The following TAF4B variants were observed in gnomAD, a reference collection of about 807,000 sequenced individuals.
TAF4B encodes transcription initiation factor TFIID subunit 4B.
Under a neutral mutation model 86.4 loss-of-function variants are expected in TAF4B, and 38 were observed. The ratio of observed to expected loss-of-function variants is 0.44; its 90% CI spans 0.34 to 0.58. The LOEUF (loss-of-function observed/expected upper bound fraction) is 0.58, where lower values mean the gene tolerates loss of function less well. Ranked by LOEUF, TAF4B falls within the 20% of genes least tolerant of loss-of-function variation. The pLI is 0.02. For synonymous variants in TAF4B, 388 were observed against 391.2 expected, an observed-to-expected ratio of 0.99 and a Z score of 0.10; for missense variants, 988 against 1,027.6, an observed-to-expected ratio of 0.96 and a Z score of 0.53.
intron 9 of TAF4B, among the ~76,000 whole-genome samples, chr18:26,299,939 C>A (rs2056711003): frequency 6.6e-6 from 1 of 151,882 alleles, no homozygotes; most frequent in South Asian, 2.1e-4. Context: ...ATTTCTTTAT[C>A]CTTTTAATGT....
chr18:26,292,521 A>G (rs2056605780), intron 8 of TAF4B, 140 bp downstream of exon 8: 2 of 905,718 alleles, frequency 2.2e-6, no homozygotes, highest in African/African-American at 3.4e-5. Context: ...CAGAAAGATA[A>G]TCGTTAGATT....
intron 2 of TAF4B, among the ~76,000 whole-genome samples, chr18:26,266,373 A>C (rs1325994045): frequency 1.3e-5 from 2 of 152,052 alleles, no homozygotes; most frequent in African/African-American, 4.8e-5. Flanking sequence ...TGGCCTCCCA[A>C]AGTGCTGGGA....
rs750028177 is a variant in TAF4B, at chr18:26,357,783, T to C, written c.2410T>C (p.Ser804Pro). 6.2e-7 allele frequency: 1 copy of C among 1,606,434 alleles called. No homozygotes were observed. The highest frequency in any genetic ancestry group is 8.5e-7 in the Non-Finnish European group (1 of 1,174,856). The change falls in exon 14 of 15, where the codon TCT becomes CCT. Residue 804 changes from serine to proline, a missense_variant. Coordinates refer to ENST00000269142, the MANE Select transcript of TAF4B (RefSeq NM_005640.3). ...IGPRKKRPLE[S>P]GIEGLKDNLL... Reference sequence around the variant, plus strand: ...ACCAAGGAAGAAGAGACCACTAGAATCTGGAATTGAGGTATTGAAATAATA... The same window carrying C: ...ACCAAGGAAGAAGAGACCACTAGAACCTGGAATTGAGGTATTGAAATAATA...
At chr18:26,383,750 T>A (rs1029533291) in intron 14 of TAF4B, among the ~76,000 whole-genome samples, 9 of 152,158 alleles carry the variant, frequency 5.9e-5, no homozygotes, top group African/African-American at 2.2e-4. Context: ...CATAGACATT[T>A]AGGAGTGATG....
intron 13 of TAF4B, among the ~76,000 whole-genome samples, chr18:26,344,735 C>T (rs985980783): frequency 6.6e-6 from 1 of 152,192 alleles, no homozygotes; most frequent in Non-Finnish European, 1.5e-5. Context: ...ATGCCTGGTG[C>T]TTGTTTCTTC....
chr18:26,282,267 T>G (rs115096889), intron 6 of TAF4B, among the ~76,000 whole-genome samples: 176 of 152,354 alleles, frequency 1.2e-3, no homozygotes, highest in African/African-American at 4.2e-3. Flanking sequence ...AACATTTTAT[T>G]CATGAACATA....
At chr18:26,272,062 C>A (rs144485626) in intron 3 of TAF4B, among the ~76,000 whole-genome samples, 103 of 152,040 alleles carry the variant, frequency 6.8e-4, no homozygotes, top group South Asian at 4.8e-3. Context: ...TCTCGGGTCA[C>A]CACACAGGAA....
chr18:26,376,287 A>C (rs1157295797), intron 14 of TAF4B, among the ~76,000 whole-genome samples: 1 of 151,948 alleles, frequency 6.6e-6, no homozygotes, highest in Non-Finnish European at 1.5e-5. Context: ...ATATAGACAA[A>C]TTTGGGTAGT....
chr18:26,265,380 G>C, intron 2 of TAF4B, 65 bp downstream of exon 2: 1 of 1,477,694 alleles, frequency 6.8e-7, no homozygotes, highest in Non-Finnish European at 9.0e-7. Context: ...TATAAATGTT[G>C]TGTATATGTT....
rs560816573 is a variant in TAF4B, at chr18:26,229,293, G to C, written c.343+2017G>C. ...AGAAGATAAGTTGTCTTTAGGAATTGGTCGTTATAGAGGAAGTGGGGATTT... is the reference window on the plus strand; with the variant it reads ...AGAAGATAAGTTGTCTTTAGGAATTCGTCGTTATAGAGGAAGTGGGGATTT... On this transcript the variant is annotated intron_variant, in intron 1 of 14. Coordinates refer to ENST00000269142, the MANE Select transcript of TAF4B (RefSeq NM_005640.3). 3.9e-5 allele frequency among the ~76,000 whole-genome samples: 6 copies of C among 152,206 alleles called. No individual in the cohort carries two copies. The South Asian group carries it at 8.3e-4, about 21-fold the overall frequency.
intron 7 of TAF4B, among the ~76,000 whole-genome samples, chr18:26,289,273 G>A (rs763337312): frequency 1.3e-5 from 2 of 152,120 alleles, no homozygotes; most frequent in Non-Finnish European, 2.9e-5. Context: ...CACTCAAGTT[G>A]CTATAAAATA....
chr18:26,346,761 ATATATATATATATGTGTGTG>A (rs1567913528), intron 13 of TAF4B, among the ~76,000 whole-genome samples: 15 of 22,604 alleles, frequency 6.6e-4, no homozygotes, highest in Non-Finnish European at 9.6e-4. Flanking sequence ...ATATGTGTGT[ATATATATATATATGTGTGTG>A]TATATATATA....
intron 1 of TAF4B, among the ~76,000 whole-genome samples, chr18:26,243,666 G>C (rs1352847944): frequency 6.6e-6 from 1 of 152,180 alleles, no homozygotes; most frequent in Admixed American, 6.5e-5. Context: ...AAGGCGCTCT[G>C]AATTTTAGAA....
At chr18:26,304,594 A>G (rs1446544733) in intron 9 of TAF4B, among the ~76,000 whole-genome samples, 2 of 152,178 alleles carry the variant, frequency 1.3e-5, no homozygotes, top group African/African-American at 2.4e-5. Context: ...AGGGATTACT[A>G]TTGACTTGGA....
intron 1 of TAF4B, among the ~76,000 whole-genome samples, chr18:26,231,480 T>C (rs570083677): frequency 1.5e-4 from 23 of 151,574 alleles, no homozygotes; most frequent in Non-Finnish European, 3.2e-4. Context: ...AGCCTCCAAG[T>C]AGCTGAGATT....
At chr18:26,368,005 A>G (rs770802216) in intron 14 of TAF4B, among the ~76,000 whole-genome samples, 5 of 152,068 alleles carry the variant, frequency 3.3e-5, no homozygotes, top group African/African-American at 7.2e-5. Flanking sequence ...TTGCATCTCT[A>G]CCGTTCCTTT....
intron 9 of TAF4B, among the ~76,000 whole-genome samples, chr18:26,300,225 G>T (rs1334976911): frequency 6.6e-6 from 1 of 151,774 alleles, no homozygotes; most frequent in Non-Finnish European, 1.5e-5. Flanking sequence ...CTGGGCCCAA[G>T]CAGTCCTCCC....
chr18:26,353,651 ATG>A (rs1319992152), intron 13 of TAF4B, among the ~76,000 whole-genome samples: 1 of 152,236 alleles, frequency 6.6e-6, no homozygotes, highest in Non-Finnish European at 1.5e-5. Context: ...ATCGTTTTTA[ATG>A]GTGACTGAAT....
At chr18:26,351,591 A>G (rs187859085) in intron 13 of TAF4B, among the ~76,000 whole-genome samples, 194 of 152,326 alleles carry the variant, frequency 1.3e-3, no homozygotes, top group African/African-American at 4.2e-3. Context: ...ATGTATTGCA[A>G]CATCACTAAG....
Sources: allele counts gnomAD v4.1 joint callset (sites outside exome capture counted in the v4.1 genomes callset), GRCh38; gene constraint gnomAD v4.1.1; transcripts MANE v1.5; gene names NCBI Gene and HGNC (gene_info 2026-07-23, HGNC 2026-07-21).